Variants in MTF2 observed in about 807,000 individuals in gnomAD.
The protein encoded by MTF2 is metal-response element-binding transcription factor 2.
MTF2 carries 11 observed loss-of-function variants against 79.5 expected under a neutral mutation model. The observed-to-expected ratio is 0.14, with a 90% CI of 0.09 to 0.23. The LOEUF is 0.23. Among genes scored for constraint, MTF2 ranks in the 10% least tolerant of loss-of-function variants. MTF2 has a pLI of 1.00. For synonymous variants in MTF2, 208 were observed against 232.8 expected, an observed-to-expected ratio of 0.89 and a Z score of 0.97; for missense variants, 486 against 711.2, an observed-to-expected ratio of 0.68 and a Z score of 3.60.
intron 1 of MTF2, among the ~76,000 whole-genome samples, chr1:93,104,786 A>G (rs1437426746): frequency 3.3e-5 from 5 of 152,142 alleles, no homozygotes; most frequent in Non-Finnish European, 5.9e-5. Flanking sequence ...CTTGAACTAT[A>G]TAAATTCTGC....
At chr1:93,100,414 C>T (rs530042582) in intron 1 of MTF2, among the ~76,000 whole-genome samples, 1 of 152,262 alleles carries the variant, frequency 6.6e-6, no homozygotes, top group East Asian at 1.9e-4. Context: ...ACGCCATTCT[C>T]CTGCCTCAGC....
chr1:93,095,763 C>G (rs371661039), intron 1 of MTF2, among the ~76,000 whole-genome samples: 3 of 149,948 alleles, frequency 2.0e-5, no homozygotes, highest in African/African-American at 7.4e-5. Flanking sequence ...TTAAACGATT[C>G]TTCTGCCTCA....
chr1:93,119,790 A>G (rs1656397518), intron 8 of MTF2: 1 of 160,134 alleles, frequency 6.2e-6, no homozygotes, highest in Non-Finnish European at 1.4e-5. Flanking sequence ...GAGGTTTACT[A>G]ATAAAATGCT....
At chr1:93,087,386 A>G (rs1200021128) in intron 1 of MTF2, among the ~76,000 whole-genome samples, 3 of 152,166 alleles carry the variant, frequency 2.0e-5, no homozygotes, top group Non-Finnish European at 4.4e-5. Flanking sequence ...AGCGTGACCA[A>G]CACGGTAAAA....
chr1:93,119,406 G>A lies in MTF2; in HGVS notation c.797+5G>A, dbSNP rs1465436042. 1.9e-6 allele frequency: 3 copies of A among 1,579,912 alleles called. No homozygotes were observed. Among genetic ancestry groups the A allele is most frequent in the East Asian group, 2.3e-5 (1 of 44,220 alleles). Reference sequence around the variant, plus strand: ...CAAACGTCTACCATTACAGTGGTAAGTGTGGACCTTTCTGTTAAAAGAAAG... The same window carrying A: ...CAAACGTCTACCATTACAGTGGTAAATGTGGACCTTTCTGTTAAAAGAAAG... On this transcript the variant is annotated splice_donor_5th_base_variant and intron_variant, in intron 8 of 14. Coordinates refer to ENST00000370298, the MANE Select transcript of MTF2 (RefSeq NM_007358.4).
At chr1:93,090,687 G>A (rs1298044949) in intron 1 of MTF2, among the ~76,000 whole-genome samples, 1 of 145,476 alleles carries the variant, frequency 6.9e-6, no homozygotes, top group Non-Finnish European at 1.5e-5. Flanking sequence ...TTTTTGAGAC[G>A]GAGTCTAACT....
rs918414649 is a variant in MTF2 at position 93,125,335 on chromosome 1, A to G, written c.922-1897A>G. 3.3e-5 allele frequency among the ~76,000 whole-genome samples: 5 copies of G among 150,186 alleles called. No homozygotes were observed. In the South Asian group the frequency reaches 6.3e-4, roughly 19 times the overall value. ...TTTTTTTTTTTTTTATGGTTAGCAAACACTGGTTTGGGCATGATATAGACA... is the reference window on the plus strand; with the variant it reads ...TTTTTTTTTTTTTTATGGTTAGCAAGCACTGGTTTGGGCATGATATAGACA... On this transcript the variant is annotated intron_variant, in intron 9 of 14. Coordinates refer to ENST00000370298, the MANE Select transcript of MTF2 (RefSeq NM_007358.4).
At chr1:93,127,841 A>G (rs1483660261) in intron 10 of MTF2, among the ~76,000 whole-genome samples, 1 of 151,490 alleles carries the variant, frequency 6.6e-6, no homozygotes, top group East Asian at 1.9e-4. Flanking sequence ...TTAACTCACC[A>G]CTATACTAAC....
intron 1 of MTF2, among the ~76,000 whole-genome samples, chr1:93,099,659 A>G (rs181125294): frequency 6.6e-6 from 1 of 152,332 alleles, no homozygotes; most frequent in East Asian, 1.9e-4. Flanking sequence ...GTTGTAAGCC[A>G]CTGCTCCAGC....
intron 14 of MTF2, among the ~76,000 whole-genome samples, chr1:93,135,868 C>T (rs1471010591): frequency 6.6e-6 from 1 of 152,186 alleles, no homozygotes. Context: ...TCTCATTTTA[C>T]AGATGAGGAA....
At chr1:93,118,973 C>CTTATTATGTTA (rs1398614212) in intron 7 of MTF2, among the ~76,000 whole-genome samples, 11 of 152,174 alleles carry the variant, frequency 7.2e-5, no homozygotes, top group Admixed American at 5.9e-4. Context: ...CTCTTTCGGG[C>CTTATTATGTTA]TTATTATGTT....
Position 93,099,414 on chromosome 1 carries a change from A to G in MTF2, c.6-10816A>G, listed in dbSNP as rs548214474. Among the ~76,000 whole-genome samples the G allele has an allele frequency of 1.5e-4, 23 of 152,362 alleles. No homozygotes were observed. The East Asian group carries it at 3.7e-3, about 24-fold the overall frequency. ...ATGAAATTTTAAGACATTAAGGATA[A>G]ATGAAGATCCTAGAAACTTTCTGAG... On this transcript the variant is annotated intron_variant, in intron 1 of 14. Coordinates refer to ENST00000370298, the MANE Select transcript of MTF2 (RefSeq NM_007358.4).
chr1:93,120,343 A>T, intron 8 of MTF2: 1 of 299,584 alleles, frequency 3.3e-6, no homozygotes, highest in Non-Finnish European at 6.0e-6. Flanking sequence ...TATATCTTCT[A>T]GTTTATAGTT....
intron 4 of MTF2, 94 bp downstream of exon 4, chr1:93,114,877 T>C (rs781017094): frequency 8.1e-6 from 10 of 1,228,634 alleles, no homozygotes; most frequent in Non-Finnish European, 1.1e-5. Context: ...TTTGAAATTA[T>C]CCTTTTTATT....
At chr1:93,079,660 G>T in intron 1 of MTF2, 129 bp downstream of exon 1, 1 of 1,203,310 alleles carries the variant, frequency 8.3e-7, no homozygotes, top group East Asian at 2.3e-5. Context: ...CCTGTATGTG[G>T]GTGCCTTTGC....
At chr1:93,120,873 T>G (rs1478204833) in intron 9 of MTF2, 1 of 1,266,568 alleles carries the variant, frequency 7.9e-7, no homozygotes, top group Non-Finnish European at 9.9e-7. Flanking sequence ...CTGTTGACTC[T>G]GGAAATTTGT....
At chr1:93,108,596 T>G (rs1221912624) in intron 1 of MTF2, among the ~76,000 whole-genome samples, 1 of 151,450 alleles carries the variant, frequency 6.6e-6, no homozygotes, top group Non-Finnish European at 1.5e-5. Flanking sequence ...TTTCTCTTGT[T>G]GCTTTCAAGA....
intron 1 of MTF2, among the ~76,000 whole-genome samples, chr1:93,097,097 A>G (rs1055021933): frequency 2.0e-5 from 3 of 152,162 alleles, no homozygotes; most frequent in Admixed American, 6.5e-5. Context: ...GGCCTGAGCC[A>G]CTGCGCCTGG....
rs1200280911 is a variant in MTF2, at chr1:93,136,818, T to G, written c.1573T>G (p.Tyr525Asp). The G allele has an allele frequency of 1.2e-6, 2 of 1,614,180 alleles. No individual in the cohort carries two copies. The highest frequency in any genetic ancestry group is 1.6e-4 in the Middle Eastern group (1 of 6,062). ...AAAAGATGATGAAGGCAAAGAAGAT[T>G]ATCAGTTTGATGAACTCAACACAGA... ...IVKDDEGKEDYQFDELNTEIL... is the reference protein window; with the variant it reads ...IVKDDEGKEDDQFDELNTEIL... Residue 525 changes from tyrosine to aspartate, a missense_variant, in exon 15 of 15, where the codon TAT becomes GAT. Physicochemically the swap from Tyr to Asp is radical, Grantham distance 160. Coordinates refer to ENST00000370298, the MANE Select transcript of MTF2 (RefSeq NM_007358.4).
Sources: allele counts gnomAD v4.1 joint callset (sites outside exome capture counted in the v4.1 genomes callset), GRCh38; gene constraint gnomAD v4.1.1; transcripts MANE v1.5; gene names NCBI Gene and HGNC (gene_info 2026-07-23, HGNC 2026-07-21).